The following SPATC1 variants were observed in gnomAD, a reference collection of about 807,000 sequenced individuals.
SPATC1 encodes spermatogenesis and centriole associated 1, also known as speriolin.
In SPATC1, 35 loss-of-function variants were observed where a neutral mutation model predicts 36.5. The observed-to-expected ratio is 0.96, with a 90% CI of 0.73 to 1.27. SPATC1 has a LOEUF of 1.27. Among genes scored for constraint, SPATC1 ranks in the 50% most tolerant of loss-of-function variants. The pLI, the probability that SPATC1 is intolerant of heterozygous loss-of-function variation, is 0.00. For missense variants in SPATC1, 779 were observed against 796.0 expected, an observed-to-expected ratio of 0.98 and a Z score of 0.26; for synonymous variants, 361 against 353.6, an observed-to-expected ratio of 1.02 and a Z score of -0.24.
rs138560027 is a variant in SPATC1 at position 144,046,957 on chromosome 8, C to T, written c.*1C>T. On this transcript the variant is annotated 3_prime_UTR_variant, in exon 5 of 5. Coordinates refer to ENST00000377470, the MANE Select transcript of SPATC1 (RefSeq NM_198572.3). The surrounding 1 kb of genome is among the most constrained non-coding windows in gnomAD (Gnocchi z 6.6). ...CGGCAAGCCCATGTTCATCTGGTGACGCTGGAGCTGGGAGGTCCAGGCTCG... is the reference window on the plus strand; with the variant it reads ...CGGCAAGCCCATGTTCATCTGGTGATGCTGGAGCTGGGAGGTCCAGGCTCG... 4.3e-3 allele frequency: 6,781 copies of T among 1,594,142 alleles called. 20 individuals are homozygous for T. Among genetic ancestry groups the T allele is most frequent in the Admixed American group, 6.0e-3 (362 of 59,872 alleles).
chr8:144,020,997 CT>C (rs1834513452), intron 1 of SPATC1, among the ~76,000 whole-genome samples: 1 of 119,128 alleles, frequency 8.4e-6, no homozygotes, highest in African/African-American at 3.3e-5. Context: ...TCAGGAACCT[CT>C]TCCCTGACAA....
At chr8:144,019,316 T>C (rs1296752767) in intron 1 of SPATC1, among the ~76,000 whole-genome samples, 1 of 151,942 alleles carries the variant, frequency 6.6e-6, no homozygotes, top group African/African-American at 2.4e-5. Flanking sequence ...TGCTGTCAGA[T>C]GGAGAGAAAA....
intron 4 of SPATC1, 150 bp downstream of exon 4, chr8:144,041,521 G>C (rs1554756092): frequency 4.8e-6 from 5 of 1,042,034 alleles, no homozygotes; most frequent in Non-Finnish European, 1.4e-6. Flanking sequence ...CGGCCTGCAG[G>C]TGTTGGGGCA....
chr8:144,017,472 C>G (rs1458089168), intron 1 of SPATC1, among the ~76,000 whole-genome samples: 1 of 152,138 alleles, frequency 6.6e-6, no homozygotes, highest in Admixed American at 6.6e-5. Flanking sequence ...CAGGAGGAAA[C>G]AGCTTGGGAG....
At chr8:144,019,614 T>C (rs1834463595) in intron 1 of SPATC1, among the ~76,000 whole-genome samples, 1 of 151,424 alleles carries the variant, frequency 6.6e-6, no homozygotes, top group African/African-American at 2.4e-5. Flanking sequence ...GCTGTTGGAG[T>C]AGCTGGGGAG....
In SPATC1 at chr8:144,047,007, G is replaced by C. The variant is rs782223959; in HGVS notation, c.*51G>C. On this transcript the variant is annotated 3_prime_UTR_variant, in exon 5 of 5. Coordinates refer to ENST00000377470, the MANE Select transcript of SPATC1 (RefSeq NM_198572.3). The surrounding 1 kb of genome is among the most constrained non-coding windows in gnomAD (Gnocchi z 4.1). ...GCTCAGCCCCACAGCCCTGTGCACG[G>C]CCATTAAAGCTTCCCACAGACACTG... is the stretch of plus-strand genomic sequence containing the variant. 7.8e-6 allele frequency: 12 copies of C among 1,545,552 alleles called. No individual in the cohort carries two copies. Among genetic ancestry groups the C allele is most frequent in the Non-Finnish European group, 9.6e-6 (11 of 1,149,770 alleles).
intron 1 of SPATC1, among the ~76,000 whole-genome samples, chr8:144,026,300 G>A (rs1834676434): frequency 1.3e-5 from 2 of 152,138 alleles, no homozygotes; most frequent in African/African-American, 2.4e-5. Context: ...CGCTTTTATG[G>A]CTGAATACTA....
Position 144,047,111 on chromosome 8 carries a change from T to G in SPATC1, c.*155T>G. On this transcript the variant is annotated 3_prime_UTR_variant, in exon 5 of 5. Coordinates refer to ENST00000377470, the MANE Select transcript of SPATC1 (RefSeq NM_198572.3). This position sits in a 1 kb window ranked among gnomAD's most constrained non-coding sequence, Gnocchi z 4.1. ...TCACCGGGCCCCGGCACCGTGCCCC[T>G]TCAGCCCTGTCTGCCCTGGAGGTCA... 1 of 850,022 alleles carries G rather than the reference T, an allele frequency of 1.2e-6. No homozygotes were observed. Among genetic ancestry groups the G allele is most frequent in the Admixed American group, 2.8e-5 (1 of 35,280 alleles). The allele number at this position is 850,022 out of a possible 1,614,324, so 52.7% of individuals were successfully genotyped here.
chr8:144,030,783 T>A (rs1003941319), intron 1 of SPATC1, among the ~76,000 whole-genome samples: 1 of 152,198 alleles, frequency 6.6e-6, no homozygotes, highest in Non-Finnish European at 1.5e-5. Flanking sequence ...TTTTTTCCTG[T>A]ACATTTTAAA....
intron 1 of SPATC1, among the ~76,000 whole-genome samples, chr8:144,033,850 G>T (rs910261139): frequency 6.6e-6 from 1 of 152,164 alleles, no homozygotes; most frequent in South Asian, 2.1e-4. Flanking sequence ...GAGGCACAGG[G>T]ACTTGGGAAA....
rs782146811 is a variant in SPATC1, at chr8:144,040,531, C to A, written c.767-37C>A. 1.9e-6 allele frequency: 3 copies of A among 1,562,610 alleles called. No homozygotes were observed. In the East Asian group the frequency reaches 6.7e-5, roughly 35 times the overall value. On this transcript the variant is annotated intron_variant, in intron 2 of 4. Transcript: ENST00000377470. ...CAGAGCCCTCCCACCTCACTCTAAT[C>A]CCCCTTTTTTTATTTCTGTTCCCTC...
chr8:144,046,969 G>A lies in SPATC1; in HGVS notation c.*13G>A, dbSNP rs1428317209. The A allele has an allele frequency of 5.0e-6, 8 of 1,591,124 alleles. No homozygotes were observed. Among genetic ancestry groups the A allele is most frequent in the East Asian group, 2.2e-5 (1 of 44,774 alleles). On this transcript the variant is annotated 3_prime_UTR_variant, in exon 5 of 5. Transcript: ENST00000377470. The surrounding 1 kb of genome is among the most constrained non-coding windows in gnomAD (Gnocchi z 6.6). ...GTTCATCTGGTGACGCTGGAGCTGG[G>A]AGGTCCAGGCTCGCTCAGCCCCACA... is the stretch of plus-strand genomic sequence containing the variant.
chr8:144,024,643 C>T (rs1373116810), intron 1 of SPATC1, among the ~76,000 whole-genome samples: 5 of 150,846 alleles, frequency 3.3e-5, no homozygotes, highest in African/African-American at 1.2e-4. Flanking sequence ...GGACCTTCCC[C>T]TTCATGACCC....
chr8:144,013,160 G>A (rs1834314125), intron 1 of SPATC1, among the ~76,000 whole-genome samples: 1 of 151,962 alleles, frequency 6.6e-6, no homozygotes. Flanking sequence ...GCCTTCCTAG[G>A]TGCTGCATCC....
At position 144,040,774 on chromosome 8, in the gene SPATC1, T is replaced by TTCC; in HGVS notation, c.973_974insTCC (p.Ser325delinsPhePro). 5 of 1,352,924 alleles carry TTCC rather than the reference T, an allele frequency of 3.7e-6. No homozygotes were observed. The highest frequency in any genetic ancestry group is 1.6e-5 in the South Asian group (1 of 64,050). The allele number at this position is 1,352,924 out of a possible 1,614,324, so 83.8% of individuals were successfully genotyped here. Reference sequence around the variant, plus strand: ...AGTGGTCCCTGCATCTGTCCCCACCTCCCCCACCACCTCCCCCACGGTCAC... The same window carrying TTCC: ...AGTGGTCCCTGCATCTGTCCCCACCTTCCCCCCCACCACCTCCCCCACGGTCAC... On this transcript the variant is annotated protein_altering_variant, in exon 3 of 5. Transcript: ENST00000377470.
intron 1 of SPATC1, among the ~76,000 whole-genome samples, chr8:144,027,405 C>T (rs1378955724): frequency 6.6e-6 from 1 of 152,164 alleles, no homozygotes; most frequent in African/African-American, 2.4e-5. Context: ...TGTCTTTTCA[C>T]TTTCTTAATA....
intron 1 of SPATC1, among the ~76,000 whole-genome samples, chr8:144,020,299 T>G: frequency 6.7e-6 from 1 of 150,264 alleles, no homozygotes; most frequent in Middle Eastern, 3.5e-3. Flanking sequence ...CCCTCTTCCC[T>G]TGGAAACTTC....
rs782779490 is a variant in SPATC1, at chr8:144,039,899, G to A, written c.212-10G>A. 2 of 1,608,258 alleles carry A rather than the reference G, an allele frequency of 1.2e-6. No homozygotes were observed. The highest frequency in any genetic ancestry group is 2.2e-5 in the East Asian group (1 of 44,812). ...CCCCTGGGGTCTCAGTGCTTTCTCT[G>A]TGTTCCCAGGTGTCTTCCTGCCCCC... On this transcript the variant is annotated splice_polypyrimidine_tract_variant and intron_variant, in intron 1 of 4. Coordinates refer to ENST00000377470, the MANE Select transcript of SPATC1 (RefSeq NM_198572.3).
intron 1 of SPATC1, among the ~76,000 whole-genome samples, chr8:144,027,072 T>G (rs1182912392): frequency 2.0e-5 from 3 of 149,786 alleles, no homozygotes; most frequent in African/African-American, 7.4e-5. Context: ...GGCCCCATGA[T>G]CCGCCTGCCT....
Sources: gnomAD v4.1 joint callset for allele counts (sites outside exome capture counted in the v4.1 genomes callset) on GRCh38, gnomAD v4.1.1 for gene constraint, Gnocchi (gnomAD v3.1) non-coding constraint, MANE v1.5 for transcripts, NCBI Gene and HGNC (gene_info 2026-07-23, HGNC 2026-07-21) for gene names.